GRID2: variants seen among roughly 807,000 people sequenced by gnomAD.
GRID2 encodes the protein glutamate ionotropic receptor delta type subunit 2.
A neutral mutation model predicts 114.8 loss-of-function variants in GRID2; 33 were observed. That is an observed-to-expected ratio of 0.29 (90% CI 0.22 to 0.38). GRID2 has a LOEUF of 0.38. Among genes scored for constraint, GRID2 ranks in the 10% least tolerant of loss-of-function variants. GRID2 has a pLI of 1.00. For missense variants in GRID2, 1,184 were observed against 1,257.7 expected, an observed-to-expected ratio of 0.94 and a Z score of 0.89; for synonymous variants, 505 against 449.9, an observed-to-expected ratio of 1.12 and a Z score of -1.55.
intron 2 of GRID2, among the ~76,000 whole-genome samples, chr4:93,038,918 C>T (rs1240325103): frequency 6.6e-6 from 1 of 151,986 alleles, no homozygotes; most frequent in East Asian, 1.9e-4. Context: ...GGCGATTCCT[C>T]AAGGATCTAG....
intron 10 of GRID2, among the ~76,000 whole-genome samples, chr4:93,449,246 G>A (rs1261417215): frequency 1.3e-5 from 2 of 151,958 alleles, no homozygotes; most frequent in Non-Finnish European, 2.9e-5. Context: ...CTTGTGAAAT[G>A]TGTGCCAAAA....
chr4:92,752,363 C>A (rs1578144225), intron 2 of GRID2, among the ~76,000 whole-genome samples: 1 of 152,130 alleles, frequency 6.6e-6, no homozygotes, highest in Non-Finnish European at 1.5e-5. Context: ...TGAATTTGTT[C>A]ATGTATTCCT....
At chr4:92,695,387 A>C (rs992455358) in intron 2 of GRID2, among the ~76,000 whole-genome samples, 4 of 152,112 alleles carry the variant, frequency 2.6e-5, no homozygotes, top group African/African-American at 7.2e-5. Flanking sequence ...TAGAAACACA[A>C]CAAAAGGAAT....
intron 2 of GRID2, among the ~76,000 whole-genome samples, chr4:93,041,643 TG>T (rs1174684915): frequency 2.8e-4 from 43 of 152,290 alleles, no homozygotes; most frequent in African/African-American, 9.4e-4. Context: ...ATGTTTTAAA[TG>T]ATAGCAATAT....
chr4:92,925,472 AG>A (rs1749741470), intron 2 of GRID2, among the ~76,000 whole-genome samples: 2 of 152,120 alleles, frequency 1.3e-5, no homozygotes, highest in Admixed American at 6.6e-5. Flanking sequence ...TACTATTTTA[AG>A]AAGAGTATAT....
intron 2 of GRID2, among the ~76,000 whole-genome samples, chr4:92,797,327 G>A (rs184227903): frequency 1.3e-5 from 2 of 152,014 alleles, no homozygotes; most frequent in Non-Finnish European, 2.9e-5. Context: ...TCATCACATG[G>A]CATTTTAAGC....
chr4:92,878,142 T>G (rs891313090), intron 2 of GRID2, among the ~76,000 whole-genome samples: 4 of 152,172 alleles, frequency 2.6e-5, no homozygotes, highest in Non-Finnish European at 5.9e-5. Context: ...AGCAGTTAGA[T>G]ATCTACTTTC....
chr4:92,675,325 A>G (rs927153861), intron 2 of GRID2, among the ~76,000 whole-genome samples: 4 of 152,094 alleles, frequency 2.6e-5, no homozygotes, highest in Non-Finnish European at 5.9e-5. Flanking sequence ...TGTCATGCCT[A>G]TGGTTTCTGA....
At chr4:92,588,297 A>C (rs980122939) in intron 1 of GRID2, among the ~76,000 whole-genome samples, 12 of 152,058 alleles carry the variant, frequency 7.9e-5, no homozygotes, top group Non-Finnish European at 1.3e-4. Context: ...AAAGTCTATA[A>C]TATATATTTG....
intron 1 of GRID2, among the ~76,000 whole-genome samples, chr4:92,429,030 C>G (rs1307983411): frequency 6.6e-6 from 1 of 152,142 alleles, no homozygotes; most frequent in African/African-American, 2.4e-5. Context: ...CACCCCCCGA[C>G]AGGCCCCAGT....
intron 14 of GRID2, among the ~76,000 whole-genome samples, chr4:93,653,221 A>C (rs1722741617): frequency 1.3e-5 from 2 of 152,266 alleles, no homozygotes; most frequent in East Asian, 1.9e-4. Context: ...CAATGTGAGA[A>C]CAAAGTTGTT....
At chr4:93,796,206 C>T (rs1734796913) in intron 1 of GRID2, among the ~76,000 whole-genome samples, 1 of 152,066 alleles carries the variant, frequency 6.6e-6, no homozygotes, top group African/African-American at 2.4e-5. Flanking sequence ...AGACCCACCA[C>T]CATCATCTAG....
At chr4:93,775,261 C>G (rs2110346551), downstream of GRID2, among the ~76,000 whole-genome samples, 1 of 151,940 alleles carries the variant, frequency 6.6e-6, no homozygotes, top group East Asian at 1.9e-4. Flanking sequence ...TTTTACAAAT[C>G]AGGGAAAATA....
chr4:92,886,977 T>G (rs933476742), intron 2 of GRID2, among the ~76,000 whole-genome samples: 5 of 152,184 alleles, frequency 3.3e-5, no homozygotes, highest in African/African-American at 1.2e-4. Context: ...AAATCACTAA[T>G]CTAAATATTA....
At chr4:92,704,738 T>TCTCTCTCCCTCCCTCTCTCC (rs1734870275) in intron 2 of GRID2, among the ~76,000 whole-genome samples, 1 of 150,506 alleles carries the variant, frequency 6.6e-6, no homozygotes, top group Non-Finnish European at 1.5e-5. Context: ...TCTCTCTCTC[T>TCTCTCTCCCTCCCTCTCTCC]CTCTCTCCCT....
intron 14 of GRID2, among the ~76,000 whole-genome samples, chr4:93,742,018 G>A (rs1731465447): frequency 6.6e-6 from 1 of 152,020 alleles, no homozygotes; most frequent in East Asian, 1.9e-4. Flanking sequence ...CCAAATCTAG[G>A]AAATAGGTTT....
chr4:93,750,225 C>A (rs1365956376), intron 14 of GRID2, among the ~76,000 whole-genome samples: 7 of 152,098 alleles, frequency 4.6e-5, no homozygotes. Flanking sequence ...GAACAAAGCA[C>A]AAAATTATAA....
Position 93,300,396 on chromosome 4 carries a change from C to T in GRID2, c.1245+61906C>T, listed in dbSNP as rs150262773. Among the ~76,000 whole-genome samples the T allele has an allele frequency of 4.7e-3, 723 of 152,262 alleles. 3 individuals carry two copies. Among genetic ancestry groups the T allele is most frequent in the Non-Finnish European group, 7.7e-3 (522 of 68,022 alleles). On this transcript the variant is annotated intron_variant, in intron 8 of 15. Coordinates refer to ENST00000282020, the MANE Select transcript of GRID2 (RefSeq NM_001510.4). ...ATAATGTTCACTATTTCTTCAAGGA[C>T]ATTCTTAAGTGAACTTAGCTTTTAT... is the stretch of plus-strand genomic sequence containing the variant.
intron 14 of GRID2, among the ~76,000 whole-genome samples, chr4:93,672,792 G>GT (rs1724540487): frequency 6.6e-6 from 1 of 152,162 alleles, no homozygotes; most frequent in Non-Finnish European, 1.5e-5. Context: ...CCAGGACAGT[G>GT]TTGCCTGATG....
Sources: gnomAD v4.1 joint callset for allele counts (sites outside exome capture counted in the v4.1 genomes callset) on GRCh38, gnomAD v4.1.1 for gene constraint, MANE v1.5 for transcripts, NCBI Gene and HGNC (gene_info 2026-07-23, HGNC 2026-07-21) for gene names.